The following SRPK2 variants were observed in gnomAD, a reference collection of about 807,000 sequenced individuals.
SRPK2 encodes SFRS protein kinase 2.
SRPK2 carries 21 observed loss-of-function variants against 90.8 expected under a neutral mutation model. The observed-to-expected ratio is 0.23, with a 90% CI of 0.16 to 0.33. SRPK2 has a LOEUF of 0.33. Among genes scored for constraint, SRPK2 ranks in the 10% least tolerant of loss-of-function variants. SRPK2 has a pLI of 1.00. For synonymous variants in SRPK2, 288 were observed against 311.1 expected, an observed-to-expected ratio of 0.93 and a Z score of 0.78; for missense variants, 620 against 869.0, an observed-to-expected ratio of 0.71 and a Z score of 3.60.
intron 2 of SRPK2, among the ~76,000 whole-genome samples, chr7:105,290,356 A>G (rs1282502931): frequency 6.6e-6 from 1 of 152,098 alleles, no homozygotes; most frequent in Non-Finnish European, 1.5e-5. Context: ...TTAGCCAGGC[A>G]TGGTGGCACA....
intron 2 of SRPK2, among the ~76,000 whole-genome samples, chr7:105,384,731 G>T (rs1821335050): frequency 6.6e-6 from 1 of 152,118 alleles, no homozygotes. Flanking sequence ...GGGGTACCCT[G>T]AAAATACTAG....
At chr7:105,291,248 T>TA (rs1173221582) in intron 2 of SRPK2, among the ~76,000 whole-genome samples, 1 of 152,124 alleles carries the variant, frequency 6.6e-6, no homozygotes, top group African/African-American at 2.4e-5. Context: ...CATACAAAGA[T>TA]ATGTCACTTT....
At chr7:105,161,410 T>G (rs537418358) in intron 6 of SRPK2, among the ~76,000 whole-genome samples, 37 of 152,362 alleles carry the variant, frequency 2.4e-4, no homozygotes, top group African/African-American at 8.9e-4. Flanking sequence ...AAGGGCTAAG[T>G]GTACTTACTC....
At chr7:105,260,127 A>C (rs952540046) in intron 2 of SRPK2, among the ~76,000 whole-genome samples, 3 of 152,222 alleles carry the variant, frequency 2.0e-5, no homozygotes, top group African/African-American at 7.2e-5. Context: ...AAATTTTTAC[A>C]ATCTACCCAT....
At chr7:105,297,333 G>T (rs116876147) in intron 2 of SRPK2, 39 of 327,368 alleles carry the variant, frequency 1.2e-4, no homozygotes, top group Non-Finnish European at 1.6e-4. Context: ...ACAGATCTGT[G>T]GTCCATAAAT....
At chr7:105,350,180 G>A (rs2132046702) in intron 2 of SRPK2, among the ~76,000 whole-genome samples, 1 of 146,206 alleles carries the variant, frequency 6.8e-6, no homozygotes, top group Admixed American at 6.9e-5. Context: ...ACCCAGACTG[G>A]AGTACAGTGG....
At chr7:105,185,723 C>T (rs960630894) in intron 3 of SRPK2, among the ~76,000 whole-genome samples, 4 of 152,130 alleles carry the variant, frequency 2.6e-5, no homozygotes, top group African/African-American at 4.8e-5. Context: ...GAGCCTCACT[C>T]GAAAGCCCCA....
intron 3 of SRPK2, among the ~76,000 whole-genome samples, chr7:105,170,477 G>A (rs1441880897): frequency 1.3e-5 from 2 of 151,848 alleles, no homozygotes; most frequent in East Asian, 1.9e-4. Context: ...CAGATCACCT[G>A]AGGTCTGGAG....
At chr7:105,167,497 G>A (rs901796734) in intron 5 of SRPK2, 33 bp from the exon 6 acceptor site, 14 of 1,546,194 alleles carry the variant, frequency 9.1e-6, no homozygotes, top group Admixed American at 1.7e-5. Context: ...AAGAACACAG[G>A]AGTTTGAGAC....
chr7:105,364,405 G>GAGTTTTTTTT (rs572930883), intron 2 of SRPK2, among the ~76,000 whole-genome samples: 1 of 133,904 alleles, frequency 7.5e-6, no homozygotes, highest in African/African-American at 2.8e-5. Flanking sequence ...CGTGTGTAAC[G>GAGTTTTTTTT]TTTTTTTTTT....
At position 105,180,390 on chromosome 7, in the gene SRPK2, C is replaced by T. The variant is rs116349580; in HGVS notation, c.230-11125G>A. Reference sequence around the variant, plus strand: ...CTAGCCATATGCAGAAGACTGAAACCGCACCCCTTCCTTACACCATATACA... The same window carrying T: ...CTAGCCATATGCAGAAGACTGAAACTGCACCCCTTCCTTACACCATATACA... On this transcript the variant is annotated intron_variant, in intron 3 of 15. Transcript: ENST00000393651. Among the ~76,000 whole-genome samples the T allele has an allele frequency of 1.7e-3, 261 of 152,208 alleles. 1 individual carries two copies. The highest frequency in any genetic ancestry group is 6.1e-3 in the African/African-American group (252 of 41,532).
intron 2 of SRPK2, among the ~76,000 whole-genome samples, chr7:105,304,827 C>CA (rs1810973531): frequency 6.6e-6 from 1 of 152,184 alleles, no homozygotes; most frequent in Non-Finnish European, 1.5e-5. Flanking sequence ...CCCCGGGCTA[C>CA]AATCACTGAT....
intron 6 of SRPK2, 88 bp downstream of exon 6, chr7:105,167,289 T>TA: frequency 9.6e-7 from 1 of 1,046,770 alleles, no homozygotes; most frequent in South Asian, 1.5e-5. Flanking sequence ...TTGAAGGTGA[T>TA]ACAGCAGTAA....
intron 7 of SRPK2, among the ~76,000 whole-genome samples, chr7:105,148,686 G>C (rs543377403): frequency 6.6e-6 from 1 of 152,286 alleles, no homozygotes; most frequent in African/African-American, 2.4e-5. Context: ...ATGTAGAAAG[G>C]AAAGACATAA....
At chr7:105,176,638 C>T (rs1317951553) in intron 3 of SRPK2, among the ~76,000 whole-genome samples, 1 of 86,036 alleles carries the variant, frequency 1.2e-5, no homozygotes, top group Non-Finnish European at 2.6e-5. Context: ...TATATATGCA[C>T]AGTGGCATAT....
chr7:105,379,449 ACT>A (rs1382424646), intron 2 of SRPK2, among the ~76,000 whole-genome samples: 17 of 152,080 alleles, frequency 1.1e-4, no homozygotes, highest in Non-Finnish European at 1.0e-4. Flanking sequence ...CTCCAAGCGT[ACT>A]GAGGGATGAC....
chr7:105,160,865 T>C (rs1006282752), intron 6 of SRPK2, among the ~76,000 whole-genome samples: 17 of 152,150 alleles, frequency 1.1e-4, no homozygotes, highest in African/African-American at 3.9e-4. Flanking sequence ...AAAATGTACA[T>C]ATGCTCGCCT....
intron 2 of SRPK2, among the ~76,000 whole-genome samples, chr7:105,280,660 G>C (rs997613869): frequency 2.0e-5 from 1 of 49,938 alleles, no homozygotes; most frequent in Non-Finnish European, 6.7e-5. Context: ...AAAAAAAGGG[G>C]GGGGGGGCCG....
chr7:105,300,842 C>T (rs1245510474), intron 2 of SRPK2, among the ~76,000 whole-genome samples: 3 of 152,066 alleles, frequency 2.0e-5, no homozygotes, highest in African/African-American at 7.2e-5. Flanking sequence ...GTTAGAATGG[C>T]GATCATTAAA....
Sources: allele counts gnomAD v4.1 joint callset (sites outside exome capture counted in the v4.1 genomes callset), GRCh38; gene constraint gnomAD v4.1.1; transcripts MANE v1.5; gene names NCBI Gene and HGNC (gene_info 2026-07-23, HGNC 2026-07-21).